Variants in DCDC1 observed in about 807,000 individuals in gnomAD.
DCDC1 encodes the protein doublecortin domain-containing protein 1.
Under a neutral mutation model 178.3 loss-of-function variants are expected in DCDC1, and 200 were observed. The observed-to-expected ratio is 1.12, with a 90% CI of 1.00 to 1.26. The LOEUF is 1.26. Among genes scored for constraint, DCDC1 ranks in the 50% most tolerant of loss-of-function variants. The probability of loss-of-function intolerance (pLI) is 0.00; values close to 1 mark genes in which losing one functional copy is unlikely to be tolerated. For missense variants in DCDC1, 1,983 were observed against 1,749.2 expected, an observed-to-expected ratio of 1.13 and a Z score of -2.38; for synonymous variants, 690 against 604.8, an observed-to-expected ratio of 1.14 and a Z score of -2.07.
At chr11:30,940,067 C>A (rs925177623) in intron 21 of DCDC1, among the ~76,000 whole-genome samples, 1 of 152,110 alleles carries the variant, frequency 6.6e-6, no homozygotes, top group African/African-American at 2.4e-5. Context: ...TTGTAATATT[C>A]TTTTGCAATC....
At chr11:31,015,688 A>C (rs1439998623) in intron 20 of DCDC1, among the ~76,000 whole-genome samples, 1 of 152,210 alleles carries the variant, frequency 6.6e-6, no homozygotes, top group Non-Finnish European at 1.5e-5. Context: ...GGATAGAAGA[A>C]TGAAGACATC....
chr11:31,195,013 C>G (rs1015259095), intron 9 of DCDC1, among the ~76,000 whole-genome samples: 3 of 152,064 alleles, frequency 2.0e-5, no homozygotes, highest in Non-Finnish European at 4.4e-5. Context: ...ATACTGTGCA[C>G]TTTGAGGATA....
intron 9 of DCDC1, among the ~76,000 whole-genome samples, chr11:31,180,543 A>G (rs1968652223): frequency 6.6e-6 from 1 of 152,108 alleles, no homozygotes; most frequent in South Asian, 2.1e-4. Flanking sequence ...GGAGCAGACC[A>G]TGGAGGGTGA....
chr11:31,310,306 TGA>T (rs1491523788), intron 3 of DCDC1, among the ~76,000 whole-genome samples: 5,385 of 126,556 alleles, frequency 0.043, 577 homozygotes, highest in African/African-American at 0.16. Flanking sequence ...CAGTAATTCT[TGA>T]TTTTTTTTTT....
chr11:30,925,288 G>C, intron 23 of DCDC1, 21 bp downstream of exon 23: 2 of 1,598,424 alleles, frequency 1.3e-6, no homozygotes, highest in Non-Finnish European at 1.7e-6. Flanking sequence ...AATATTGCCA[G>C]TTTCAAATCC....
intron 3 of DCDC1, among the ~76,000 whole-genome samples, chr11:31,311,053 C>T (rs544340771): frequency 2.0e-5 from 3 of 152,188 alleles, no homozygotes; most frequent in Admixed American, 2.0e-4. Flanking sequence ...TATCCTCCCC[C>T]TTTCCTCATG....
chr11:31,238,226 C>A (rs961236697), intron 9 of DCDC1, among the ~76,000 whole-genome samples: 48 of 152,178 alleles, frequency 3.2e-4, no homozygotes, highest in African/African-American at 1.1e-3. Context: ...CTTAACACTG[C>A]CCATCAGCCA....
chr11:30,902,843 T>C (rs1268181246), intron 32 of DCDC1, among the ~76,000 whole-genome samples: 1 of 152,192 alleles, frequency 6.6e-6, no homozygotes. Flanking sequence ...CTTGCTTTTA[T>C]TTAGCAGACT....
chr11:30,917,480 C>A (rs1945926197), intron 25 of DCDC1, among the ~76,000 whole-genome samples: 2 of 152,134 alleles, frequency 1.3e-5, no homozygotes, highest in South Asian at 4.1e-4. Context: ...CTTAACTTTT[C>A]CAAGATTTCT....
intron 9 of DCDC1, among the ~76,000 whole-genome samples, chr11:31,239,112 T>C (rs972479793): frequency 1.5e-4 from 23 of 152,042 alleles, no homozygotes; most frequent in Admixed American, 1.3e-3. Context: ...GTGAAATAAA[T>C]TGAAATAATA....
intron 6 of DCDC1, 28 bp downstream of exon 6, chr11:31,305,587 G>A (rs1175656355): frequency 1.2e-6 from 2 of 1,610,746 alleles, no homozygotes; most frequent in Non-Finnish European, 1.7e-6. Context: ...TATGTGTGGG[G>A]GTAGGGTATT....
At position 31,241,474 on chromosome 11, in the gene DCDC1, CT is replaced by C. The variant is rs1373785548; in HGVS notation, c.1196del (p.Lys399SerfsTer10). On this transcript the variant is annotated frameshift_variant, in exon 9 of 39. Coordinates refer to ENST00000684477, the MANE Select transcript of DCDC1 (RefSeq NM_001387274.1). LOFTEE classifies it high-confidence loss of function. ...GVLLALYQRL[K>X]SAKKYYKQLN... is the part of the protein sequence containing the mutation. ...CCTGTTTATAATATTTTTTTGCAGA[CT>C]TTAATCGTTGGTACAGGGCCAAAAG... 2.5e-6 allele frequency: 1 copy of C among 397,010 alleles called. No homozygotes were observed. Among genetic ancestry groups the C allele is most frequent in the Admixed American group, 4.4e-5 (1 of 22,552 alleles). The allele number at this position is 397,010 out of a possible 1,614,324, so 24.6% of individuals were successfully genotyped here.
chr11:30,977,550 T>C (rs577051404), intron 20 of DCDC1, among the ~76,000 whole-genome samples: 1 of 152,216 alleles, frequency 6.6e-6, no homozygotes, highest in Non-Finnish European at 1.5e-5. Context: ...TTTAAAATTA[T>C]ATAAAATATT....
intron 20 of DCDC1, among the ~76,000 whole-genome samples, chr11:30,992,016 C>G (rs1590687039): frequency 6.6e-6 from 1 of 152,176 alleles, no homozygotes; most frequent in East Asian, 1.9e-4. Flanking sequence ...TGTTGAGAAA[C>G]CAAAAATGAA....
intron 20 of DCDC1, among the ~76,000 whole-genome samples, chr11:31,012,740 T>C (rs1053911402): frequency 6.6e-6 from 1 of 152,122 alleles, no homozygotes; most frequent in African/African-American, 2.4e-5. Flanking sequence ...GATCAATGTA[T>C]AACCATAAGT....
chr11:31,290,936 T>C, intron 6 of DCDC1, 84 bp from the exon 7 acceptor site: 3 of 1,216,748 alleles, frequency 2.5e-6, no homozygotes, highest in Middle Eastern at 2.5e-4. Flanking sequence ...CTCTATTACC[T>C]GTGTATTATA....
chr11:31,299,588 C>T (rs1273591406), intron 6 of DCDC1, among the ~76,000 whole-genome samples: 1 of 152,122 alleles, frequency 6.6e-6, no homozygotes, highest in East Asian at 1.9e-4. Context: ...CCATATCATG[C>T]TGTATACATA....
chr11:31,356,486 AAAG>A (rs1951372884), intron 1 of DCDC1, among the ~76,000 whole-genome samples: 1 of 152,096 alleles, frequency 6.6e-6, no homozygotes, highest in African/African-American at 2.4e-5. Flanking sequence ...AGAAAGCAGG[AAAG>A]ATCCAAAATT....
At chr11:31,079,443 T>C (rs1235715894) in intron 17 of DCDC1, among the ~76,000 whole-genome samples, 1 of 152,172 alleles carries the variant, frequency 6.6e-6, no homozygotes, top group Non-Finnish European at 1.5e-5. Context: ...TTTCTCTGAG[T>C]TCTGTGAGCC....
Sources: gnomAD v4.1 joint callset for allele counts (sites outside exome capture counted in the v4.1 genomes callset) on GRCh38, gnomAD v4.1.1 for gene constraint, MANE v1.5 for transcripts, NCBI Gene and HGNC (gene_info 2026-07-23, HGNC 2026-07-21) for gene names.